Variants in SUGCT observed in about 807,000 individuals in gnomAD.
SUGCT encodes the protein succinyl-CoA:glutarate CoA-transferase.
Under a neutral mutation model 55.0 loss-of-function variants are expected in SUGCT, and 41 were observed. The observed-to-expected ratio is 0.74, with a 90% CI of 0.58 to 0.97. The LOEUF (loss-of-function observed/expected upper bound fraction) is 0.97. SUGCT is among the 50% of genes least tolerant of loss of function. The pLI, the probability that SUGCT is intolerant of heterozygous loss-of-function variation, is 0.00. For missense variants in SUGCT, 568 were observed against 547.8 expected, an observed-to-expected ratio of 1.04 and a Z score of -0.37; for synonymous variants, 187 against 200.4, an observed-to-expected ratio of 0.93 and a Z score of 0.56.
chr7:40,232,041 C>T (rs1380676106), intron 6 of SUGCT, among the ~76,000 whole-genome samples: 1 of 152,102 alleles, frequency 6.6e-6, no homozygotes, highest in African/African-American at 2.4e-5. Context: ...TTTGAGGCTT[C>T]AGTGAGCTAA....
At chr7:40,502,673 C>A (rs182251716) in intron 12 of SUGCT, among the ~76,000 whole-genome samples, 55 of 152,174 alleles carry the variant, frequency 3.6e-4, no homozygotes, top group Non-Finnish European at 2.9e-5. Context: ...GCACTTGTTG[C>A]AGACTAGTCT....
At chr7:40,546,083 A>G (rs775416782) in intron 12 of SUGCT, among the ~76,000 whole-genome samples, 5 of 152,122 alleles carry the variant, frequency 3.3e-5, no homozygotes, top group Non-Finnish European at 4.4e-5. Flanking sequence ...TGGGATTTCT[A>G]TTTGGAATAA....
intron 13 of SUGCT, among the ~76,000 whole-genome samples, chr7:40,772,619 CTAT>C (rs1398273083): frequency 6.0e-5 from 9 of 151,048 alleles, no homozygotes; most frequent in African/African-American, 1.9e-4. Flanking sequence ...ATCTATCTAT[CTAT>C]CTATCTATCT....
At chr7:40,153,593 C>A in intron 1 of SUGCT, 1 of 510,372 alleles carries the variant, frequency 2.0e-6, no homozygotes, top group South Asian at 1.4e-5. Flanking sequence ...CTGGGATACT[C>A]AGCCTCTGTG....
At chr7:40,378,830 T>C in intron 9 of SUGCT, among the ~76,000 whole-genome samples, 1 of 152,306 alleles carries the variant, frequency 6.6e-6, no homozygotes, top group South Asian at 2.1e-4. Context: ...TCCGAACATA[T>C]TTTACACAGC....
intron 7 of SUGCT, among the ~76,000 whole-genome samples, chr7:40,270,807 A>G (rs867955370): frequency 4.6e-4 from 70 of 152,290 alleles, no homozygotes; most frequent in Middle Eastern, 6.8e-3. Flanking sequence ...CATATTAACA[A>G]TATTAAGTCT....
At chr7:40,213,108 T>C (rs987936929) in intron 6 of SUGCT, among the ~76,000 whole-genome samples, 1 of 145,406 alleles carries the variant, frequency 6.9e-6, no homozygotes, top group African/African-American at 2.9e-5. Context: ...TTTTTAATGT[T>C]TTTTTATGTT....
the SUGCT span, among the ~76,000 whole-genome samples, chr7:40,895,583 A>G: frequency 6.6e-6 from 1 of 152,258 alleles, no homozygotes. Flanking sequence ...AACAGAATGA[A>G]ATAAAAAATT....
In SUGCT at chr7:40,838,960, T is replaced by C. The variant is rs889987844; in HGVS notation, c.1154-21356T>C. Among the ~76,000 whole-genome samples the C allele has an allele frequency of 1.6e-4, 24 of 148,400 alleles. No homozygotes were observed. In the East Asian group the frequency reaches 3.7e-3, roughly 23 times the overall value. On this transcript the variant is annotated intron_variant, in intron 13 of 13. Transcript: ENST00000335693. The stretch of plus-strand genomic sequence containing the variant: ...TTGGTGAGAGTTTTTTTTTTTTTTT[T>C]CACATGTAGGTGTTGTATTACATCT...
intron 12 of SUGCT, among the ~76,000 whole-genome samples, chr7:40,600,194 A>G (rs1798224858): frequency 6.6e-6 from 1 of 152,278 alleles, no homozygotes; most frequent in South Asian, 2.1e-4. Flanking sequence ...TCCCCCAAAC[A>G]AACAGAGCAA....
intron 12 of SUGCT, among the ~76,000 whole-genome samples, chr7:40,649,617 T>A (rs552428274): frequency 6.6e-6 from 1 of 152,184 alleles, no homozygotes; most frequent in Non-Finnish European, 1.5e-5. Flanking sequence ...AAAGATAGAT[T>A]GATTGTTGGT....
chr7:40,202,938 A>G (rs10269349), intron 6 of SUGCT, among the ~76,000 whole-genome samples: 69,703 of 151,914 alleles, frequency 0.46, 16,212 homozygotes, highest in Middle Eastern at 0.63. Context: ...CCGAACTCTT[A>G]GCTCTGTTGC....
rs12113345 is a variant in SUGCT at position 40,226,632 on chromosome 7, A to G, written c.485-11003A>G. On this transcript the variant is annotated intron_variant, in intron 6 of 13. Transcript: ENST00000335693. The stretch of plus-strand genomic sequence containing the variant: ...GTAGGGTATCCAAAGTGGAAAACTG[A>G]AATGAGCATTAGTTCTAGTTTTGTT... Among the ~76,000 whole-genome samples, 858 of 152,052 alleles carry G rather than the reference A, an allele frequency of 5.6e-3. 6 individuals are homozygous for G. The highest frequency in any genetic ancestry group is 0.019 in the African/African-American group (798 of 41,462).
chr7:40,188,563 G>T lies in SUGCT; in HGVS notation c.295G>T (p.Val99Phe). The change falls in exon 4 of 14, where the codon GTT becomes TTT. Residue 99 changes from valine to phenylalanine, a missense_variant. Coordinates refer to ENST00000335693, the MANE Select transcript of SUGCT (RefSeq NM_001193313.2). ...GACAGAAAGTACATATTATCTCAGT[G>T]TTAACCGAAATAAAAAAGTAAGAAT... ...VGTESTYYLS[V>F]NRNKKSIAVN... is the part of the protein sequence containing the mutation. The T allele has an allele frequency of 6.2e-7, 1 of 1,602,208 alleles. No homozygotes were observed. The highest frequency in any genetic ancestry group is 2.3e-5 in the East Asian group (1 of 44,354).
Position 40,626,587 on chromosome 7 carries a change from A to G in SUGCT, c.1090-122847A>G, listed in dbSNP as rs189944335. Among the ~76,000 whole-genome samples the G allele has an allele frequency of 2.1e-4, 32 of 152,164 alleles. No individual in the cohort carries two copies. In the East Asian group the frequency reaches 2.1e-3, roughly 10 times the overall value. On this transcript the variant is annotated intron_variant, in intron 12 of 13. Transcript: ENST00000335693. Reference sequence around the variant, plus strand: ...TTCATAGAATTTTAGGAGTATAGCTATTTTCAGCTTTCTCCTGGGAATGTG... The same window carrying G: ...TTCATAGAATTTTAGGAGTATAGCTGTTTTCAGCTTTCTCCTGGGAATGTG...
rs1182710002 is a variant in SUGCT, at chr7:40,237,703, C to T, written c.553C>T (p.Leu185=). 9 of 1,613,712 alleles carry T rather than the reference C, an allele frequency of 5.6e-6. No homozygotes were observed. The highest frequency in any genetic ancestry group is 1.6e-4 in the Middle Eastern group (1 of 6,084). The part of the protein sequence containing the change: ...YDAVASAVSG[L]MHITGPENGD... ...TGCTGTTGCCTCGGCTGTTTCTGGTCTGATGCACATCACAGGGCCTGAGGT... is the reference window on the plus strand; with the variant it reads ...TGCTGTTGCCTCGGCTGTTTCTGGTTTGATGCACATCACAGGGCCTGAGGT... The change falls in exon 7 of 14, where the codon CTG becomes TTG. Residue 185 remains leucine (L), a synonymous_variant. Transcript: ENST00000335693.
intron 13 of SUGCT, among the ~76,000 whole-genome samples, chr7:40,791,512 T>G (rs1246631947): frequency 6.6e-6 from 1 of 152,186 alleles, no homozygotes; most frequent in Non-Finnish European, 1.5e-5. Context: ...TAGGCCTACC[T>G]AGGTAGGTCA....
intron 4 of SUGCT, among the ~76,000 whole-genome samples, chr7:40,189,132 A>G: frequency 6.6e-6 from 1 of 152,138 alleles, no homozygotes; most frequent in East Asian, 1.9e-4. Flanking sequence ...TCACGAGGTC[A>G]GGAGATCGAG....
chr7:40,367,940 G>A (rs1344190456), intron 9 of SUGCT, among the ~76,000 whole-genome samples: 1 of 152,022 alleles, frequency 6.6e-6, no homozygotes, highest in East Asian at 1.9e-4. Flanking sequence ...CTCCTTCATG[G>A]CACTCCAGGC....
Sources: allele counts gnomAD v4.1 joint callset (sites outside exome capture counted in the v4.1 genomes callset), GRCh38; gene constraint gnomAD v4.1.1; transcripts MANE v1.5; gene names NCBI Gene and HGNC (gene_info 2026-07-23, HGNC 2026-07-21).